The following ASB3 variants were observed in gnomAD, a reference collection of about 807,000 sequenced individuals.
ASB3 encodes ankyrin repeat and SOCS box containing 3.
Under a neutral mutation model 54.5 loss-of-function variants are expected in ASB3, and 41 were observed. The observed-to-expected ratio is 0.75, with a 90% CI of 0.59 to 0.98. The LOEUF is 0.98. Among genes scored for constraint, ASB3 ranks in the 50% least tolerant of loss-of-function variants. The probability of loss-of-function intolerance (pLI) is 0.00; values close to 1 mark genes in which losing one functional copy is unlikely to be tolerated. For missense variants in ASB3, 733 were observed against 620.0 expected (o/e 1.18, Z -1.94); for synonymous variants, 266 against 221.2 (o/e 1.20, Z -1.80).
chr2:53,682,692 G>C (rs2103673425), intron 9 of ASB3, among the ~76,000 whole-genome samples: 1 of 152,176 alleles, frequency 6.6e-6, no homozygotes, highest in Non-Finnish European at 1.5e-5. Flanking sequence ...GGCCAGGCTG[G>C]TCTCGAACTC....
intron 9 of ASB3, among the ~76,000 whole-genome samples, chr2:53,692,937 C>T (rs1668995411): frequency 1.3e-5 from 2 of 152,224 alleles, no homozygotes; most frequent in South Asian, 4.1e-4. Context: ...TAACAGAAAC[C>T]TCTCTTAACA....
At chr2:53,781,227 G>A (rs1674625931) in intron 1 of ASB3, among the ~76,000 whole-genome samples, 1 of 151,908 alleles carries the variant, frequency 6.6e-6, no homozygotes, top group African/African-American at 2.4e-5. Context: ...GGGCAACATG[G>A]CAAAACCCTA....
At chr2:53,725,480 A>C (rs1243690526) in intron 5 of ASB3, among the ~76,000 whole-genome samples, 1 of 152,222 alleles carries the variant, frequency 6.6e-6, no homozygotes, top group Non-Finnish European at 1.5e-5. Context: ...TCACAAATCT[A>C]ATTAAATTAT....
chr2:53,747,722 TG>T (rs1672301252), intron 3 of ASB3, among the ~76,000 whole-genome samples: 12 of 152,122 alleles, frequency 7.9e-5, no homozygotes, highest in Admixed American at 6.5e-4. Flanking sequence ...CCTGCCTTAA[TG>T]GAACACTCTT....
intron 2 of ASB3, among the ~76,000 whole-genome samples, chr2:53,760,587 G>T (rs1673086487): frequency 6.6e-6 from 1 of 152,158 alleles, no homozygotes; most frequent in Non-Finnish European, 1.5e-5. Context: ...CCTCAGGATG[G>T]CTAGCCACTG....
Position 53,694,027 on chromosome 2 carries a change from G to A in ASB3, c.1239-13C>T, listed in dbSNP as rs745314129. 7 of 1,612,114 alleles carry A rather than the reference G, an allele frequency of 4.3e-6. 1 individual carries two copies. The highest frequency in any genetic ancestry group is 4.5e-5 in the East Asian group (2 of 44,822). On this transcript the variant is annotated splice_polypyrimidine_tract_variant and intron_variant, in intron 8 of 9. Transcript: ENST00000263634. ...GACTGAGTCAATCCTATGTTAGCAA[G>A]ATGTTAATATAATATTAGAAACAAA...
intron 5 of ASB3, among the ~76,000 whole-genome samples, chr2:53,721,501 G>A (rs1215314231): frequency 1.3e-5 from 2 of 151,988 alleles, no homozygotes; most frequent in Non-Finnish European, 2.9e-5. Context: ...AACCTGGGAG[G>A]CGGAGGTTGC....
intron 9 of ASB3, among the ~76,000 whole-genome samples, chr2:53,691,237 T>A (rs190372253): frequency 6.6e-6 from 1 of 152,286 alleles, no homozygotes; most frequent in Admixed American, 6.5e-5. Flanking sequence ...CCATGGCAAG[T>A]TGCTACTTAC....
chr2:53,764,606 C>T (rs1336935612), intron 2 of ASB3, among the ~76,000 whole-genome samples: 5 of 152,214 alleles, frequency 3.3e-5, no homozygotes, highest in South Asian at 2.1e-4. Context: ...AGTCAATGAC[C>T]TTCACTCAGT....
At chr2:53,780,700 C>T (rs1415861891) in intron 1 of ASB3, among the ~76,000 whole-genome samples, 2 of 152,112 alleles carry the variant, frequency 1.3e-5, no homozygotes, top group African/African-American at 4.8e-5. Flanking sequence ...ATCTCTTGAG[C>T]CCAGAAGTTC....
intron 2 of ASB3, among the ~76,000 whole-genome samples, chr2:53,753,648 TTC>T (rs1005646416): frequency 8.2e-5 from 12 of 146,410 alleles, no homozygotes; most frequent in Non-Finnish European, 1.8e-4. Flanking sequence ...CTCTCTTTCT[TTC>T]TGTTTTTTTT....
intron 1 of ASB3, chr2:53,774,688 G>A (rs1042647223): frequency 2.3e-5 from 12 of 528,750 alleles, no homozygotes; most frequent in African/African-American, 2.2e-4. Context: ...TACAGTGAAA[G>A]AAAAATTCAA....
At chr2:53,707,586 G>T (rs1053182100) in intron 7 of ASB3, among the ~76,000 whole-genome samples, 1 of 151,658 alleles carries the variant, frequency 6.6e-6, no homozygotes, top group Non-Finnish European at 1.5e-5. Context: ...GGCAGAGCTT[G>T]CAGTGAGCTG....
chr2:53,744,384 C>CAAAAAAATAAATAAAAAAATTA (rs1672111896), intron 3 of ASB3, among the ~76,000 whole-genome samples: 1 of 139,874 alleles, frequency 7.1e-6, no homozygotes, highest in African/African-American at 2.8e-5. Flanking sequence ...GACTCTGTCT[C>CAAAAAAATAAATAAAAAAATTA]AAAAAAATAA....
chr2:53,694,945 A>G (rs1572857166), intron 8 of ASB3, among the ~76,000 whole-genome samples: 1 of 152,176 alleles, frequency 6.6e-6, no homozygotes, highest in Non-Finnish European at 1.5e-5. Flanking sequence ...TAGAAGCTTT[A>G]AAATTTAGTC....
At chr2:53,751,650 G>A (rs1048164426) in intron 2 of ASB3, among the ~76,000 whole-genome samples, 1 of 151,808 alleles carries the variant, frequency 6.6e-6, no homozygotes, top group Admixed American at 6.6e-5. Flanking sequence ...ACATTTCTGA[G>A]AGCTGGAATA....
At chr2:53,683,577 T>G (rs1367229779) in intron 9 of ASB3, among the ~76,000 whole-genome samples, 1 of 152,172 alleles carries the variant, frequency 6.6e-6, no homozygotes, top group African/African-American at 2.4e-5. Context: ...AAATATTTGG[T>G]AAAATTCAGC....
intron 5 of ASB3, among the ~76,000 whole-genome samples, chr2:53,726,692 A>T (rs138233146): frequency 0.01 from 1,542 of 151,386 alleles, 24 homozygotes; most frequent in African/African-American, 0.036. Flanking sequence ...ATATATATAT[A>T]GTTTTGTTTT....
intron 5 of ASB3, among the ~76,000 whole-genome samples, chr2:53,719,588 C>A (rs12990201): frequency 8.6e-5 from 13 of 151,546 alleles, no homozygotes; most frequent in South Asian, 8.4e-4. Context: ...CAAGATAATC[C>A]CCCCTTCACC....
Sources: gnomAD v4.1 joint callset for allele counts (sites outside exome capture counted in the v4.1 genomes callset) on GRCh38, gnomAD v4.1.1 for gene constraint, MANE v1.5 for transcripts, NCBI Gene and HGNC (gene_info 2026-07-23, HGNC 2026-07-21) for gene names.